The following DGKG variants were observed in gnomAD, a reference collection of about 807,000 sequenced individuals.
DGKG encodes the protein diacylglycerol kinase gamma, also known as DAG kinase gamma.
A neutral mutation model predicts 105.3 loss-of-function variants in DGKG; 78 were observed. That is an observed-to-expected ratio of 0.74 (90% CI 0.62 to 0.89). The LOEUF (loss-of-function observed/expected upper bound fraction) is 0.89. Ranked by LOEUF, DGKG falls within the 40% of genes least tolerant of loss-of-function variation. The probability of loss-of-function intolerance (pLI) is 0.00; values close to 1 mark genes in which losing one functional copy is unlikely to be tolerated. For missense variants in DGKG, 958 were observed against 1,020.1 expected (o/e 0.94, Z 0.83); for synonymous variants, 346 against 367.1 (o/e 0.94, Z 0.66).
rs544865284 is a variant in DGKG, at chr3:186,210,995, G to A, written c.1917+800C>T. On this transcript the variant is annotated intron_variant, in intron 21 of 24. Transcript: ENST00000265022. The surrounding 1 kb of genome is among the most constrained non-coding windows in gnomAD (Gnocchi z 5.2). ...GGCAATCAATGAGAGGGCTTCCGGA[G>A]CGAAGCCCAGCCAACGTGGGGTGAG... 7.2e-5 allele frequency among the ~76,000 whole-genome samples: 11 copies of A among 152,268 alleles called. No individual in the cohort carries two copies. Among genetic ancestry groups the A allele is most frequent in the African/African-American group, 2.6e-4 (11 of 41,554 alleles).
At chr3:186,283,241 T>C (rs1000776577) in intron 7 of DGKG, among the ~76,000 whole-genome samples, 24 of 152,090 alleles carry the variant, frequency 1.6e-4, no homozygotes, top group African/African-American at 4.8e-4. Context: ...TTAATAAGAT[T>C]TGCAAACTCC....
intron 17 of DGKG, among the ~76,000 whole-genome samples, chr3:186,255,924 G>A (rs960949050): frequency 1.3e-5 from 2 of 152,112 alleles, no homozygotes; most frequent in Non-Finnish European, 2.9e-5. Context: ...ACTAACCTGT[G>A]AAAAAAACTA....
chr3:186,340,424 G>A (rs1370969301), intron 1 of DGKG, among the ~76,000 whole-genome samples: 1 of 152,170 alleles, frequency 6.6e-6, no homozygotes, highest in Admixed American at 6.5e-5. Flanking sequence ...AACCCAATTG[G>A]AGGGACTGGC....
In DGKG at chr3:186,251,672, C is replaced by T. The variant is rs899463253; in HGVS notation, c.1761+87G>A. 16 of 1,512,652 alleles carry T rather than the reference C, an allele frequency of 1.1e-5. No homozygotes were observed. The Admixed American group carries it at 1.5e-4, about 14-fold the overall frequency. 93.7% of individuals were successfully genotyped at this position (1,512,652 alleles called of 1,614,324 possible). A position where few individuals can be genotyped will look rare whatever the true frequency, so the allele number is the denominator to read the frequency against. ...GGGGGGCAGGTAAGACAGGTAGACA[C>T]TAGGGACCCAGAGGGGACAACAGAA... On this transcript the variant is annotated intron_variant, in intron 19 of 24. Transcript: ENST00000265022.
chr3:186,306,072 T>G lies in DGKG; in HGVS notation c.144+829A>C, dbSNP rs576802292. On this transcript the variant is annotated intron_variant, in intron 3 of 24. Coordinates refer to ENST00000265022, the MANE Select transcript of DGKG (RefSeq NM_001346.3). ...CCGTGTCCAGTGTTGTTGAGCAAAA[T>G]TGCTATTGGATTTAGCCATAGGGAG... 2.6e-5 allele frequency among the ~76,000 whole-genome samples: 4 copies of G among 152,228 alleles called. No homozygotes were observed. The East Asian group carries it at 7.7e-4, about 29-fold the overall frequency.
At chr3:186,309,523 T>C (rs1156725985) in intron 2 of DGKG, among the ~76,000 whole-genome samples, 1 of 152,204 alleles carries the variant, frequency 6.6e-6, no homozygotes, top group Non-Finnish European at 1.5e-5. Context: ...ACATCACACA[T>C]ATATGTTATT....
At chr3:186,294,057 G>A (rs535844514) in intron 5 of DGKG, among the ~76,000 whole-genome samples, 1 of 152,280 alleles carries the variant, frequency 6.6e-6, no homozygotes, top group Admixed American at 6.5e-5. Context: ...CCATACACAA[G>A]GAAAATGGTA....
In DGKG at chr3:186,149,967, G is replaced by T; in HGVS notation, c.*123C>A. 9 of 1,448,088 alleles carry T rather than the reference G, an allele frequency of 6.2e-6. No individual in the cohort carries two copies. The highest frequency in any genetic ancestry group is 8.2e-6 in the Non-Finnish European group (9 of 1,104,056). The allele number at this position is 1,448,088 out of a possible 1,614,324, so 89.7% of individuals were successfully genotyped here. The stretch of plus-strand genomic sequence containing the variant: ...CCGAAGGGTGGCTTTGCTTCCACTG[G>T]TTAGAGAAGAGTGTGTATGTGTGTG... On this transcript the variant is annotated 3_prime_UTR_variant, in exon 25 of 25. Coordinates refer to ENST00000265022, the MANE Select transcript of DGKG (RefSeq NM_001346.3).
Position 186,335,641 on chromosome 3 carries a change from A to C in DGKG, c.-248-14934T>G, listed in dbSNP as rs149414541. Among the ~76,000 whole-genome samples, 416 of 152,356 alleles carry C rather than the reference A, an allele frequency of 2.7e-3. 2 individuals carry two copies. The highest frequency in any genetic ancestry group is 2.9e-3 in the Non-Finnish European group (198 of 68,032). On this transcript the variant is annotated intron_variant, in intron 1 of 24. Coordinates refer to ENST00000265022, the MANE Select transcript of DGKG (RefSeq NM_001346.3). ...CCTTGTTGGTAGAAAGGAAGGAAAC[A>C]GAAACTGTCCAATGCTGCTGGTGTG...
At chr3:186,349,845 A>G (rs924438907) in intron 1 of DGKG, among the ~76,000 whole-genome samples, 18 of 151,716 alleles carry the variant, frequency 1.2e-4, no homozygotes, top group African/African-American at 3.2e-4. Flanking sequence ...CATTAAGTAC[A>G]GTTACATTGT....
chr3:186,163,962 G>A (rs1050538295), intron 23 of DGKG, among the ~76,000 whole-genome samples: 12 of 152,186 alleles, frequency 7.9e-5, no homozygotes, highest in African/African-American at 2.4e-4. Flanking sequence ...AAAACAAAGA[G>A]GGGAAATGAA....
chr3:186,263,878 A>G (rs1721911472), intron 14 of DGKG, among the ~76,000 whole-genome samples: 2 of 152,202 alleles, frequency 1.3e-5, no homozygotes, highest in African/African-American at 4.8e-5. Context: ...CTGCTTTTCC[A>G]GATCTCAAGC....
chr3:186,335,076 T>C (rs1225898691), intron 1 of DGKG, among the ~76,000 whole-genome samples: 2 of 152,170 alleles, frequency 1.3e-5, no homozygotes, highest in Non-Finnish European at 2.9e-5. Flanking sequence ...CCTGGAGCCC[T>C]TGGGTCTAAC....
At chr3:186,295,531 AT>A (rs965014629) in intron 5 of DGKG, among the ~76,000 whole-genome samples, 9 of 147,412 alleles carry the variant, frequency 6.1e-5, no homozygotes, top group African/African-American at 1.7e-4. Context: ...AATAATAGTA[AT>A]AATAATAATA....
intron 16 of DGKG, among the ~76,000 whole-genome samples, chr3:186,259,204 G>A (rs190291109): frequency 6.6e-6 from 1 of 152,202 alleles, no homozygotes; most frequent in Non-Finnish European, 1.5e-5. Flanking sequence ...CCCTCAGGGC[G>A]TATCAGCCCG....
At position 186,205,708 on chromosome 3, in the gene DGKG, C is replaced by CA. The variant is rs34372462; in HGVS notation, c.1917+6086dup. On this transcript the variant is annotated intron_variant, in intron 21 of 24. Transcript: ENST00000265022. Reference sequence around the variant, plus strand: ...CTGGGTGACAGCAAGAGCTCCATCTCAAAAAAAAACCAAAACAACAACCAC... The same window carrying CA: ...CTGGGTGACAGCAAGAGCTCCATCTCAAAAAAAAAACCAAAACAACAACCAC... Among the ~76,000 whole-genome samples the CA allele has an allele frequency of 1.0e-2, 1,499 of 150,020 alleles. 22 individuals carry two copies. Among genetic ancestry groups the CA allele is most frequent in the African/African-American group, 0.033 (1,321 of 40,616 alleles).
chr3:186,324,317 T>C (rs917941970), intron 1 of DGKG, among the ~76,000 whole-genome samples: 1 of 152,154 alleles, frequency 6.6e-6, no homozygotes, highest in Non-Finnish European at 1.5e-5. Flanking sequence ...CTTTGGTTTC[T>C]TCATCTAAAA....
In DGKG at chr3:186,275,596, G is replaced by T; in HGVS notation, c.861C>A (p.Phe287Leu). The change falls in exon 10 of 25, where the codon TTC becomes TTA. Residue 287 changes from phenylalanine (F) to leucine (L), a missense_variant. Coordinates refer to ENST00000265022, the MANE Select transcript of DGKG (RefSeq NM_001346.3). ...KHFKKPTYCN[F>L]CHIMLMGVRK... The stretch of plus-strand genomic sequence containing the variant: ...GGACGCCCATGAGCATGATATGGCA[G>T]AAGTTGCAGTAGGTTGGTTTCTTGA... The T allele has an allele frequency of 6.2e-7, 1 of 1,614,248 alleles. No homozygotes were observed. Among genetic ancestry groups the T allele is most frequent in the Non-Finnish European group, 8.5e-7 (1 of 1,180,052 alleles).
chr3:186,161,391 C>T (rs1014139313), intron 24 of DGKG: 90 of 1,398,434 alleles, frequency 6.4e-5, no homozygotes, highest in Middle Eastern at 2.7e-4. Flanking sequence ...ATTTTGTGAC[C>T]GGCGCTTCAC....
Sources: allele counts gnomAD v4.1 joint callset (sites outside exome capture counted in the v4.1 genomes callset), GRCh38; gene constraint gnomAD v4.1.1; non-coding constraint Gnocchi (gnomAD v3.1); transcripts MANE v1.5; gene names NCBI Gene and HGNC (gene_info 2026-07-23, HGNC 2026-07-21).